CD9: variants seen among roughly 807,000 people sequenced by gnomAD.
The protein encoded by CD9 is CD9 molecule.
CD9 carries 10 observed loss-of-function variants against 31.4 expected under a neutral mutation model. The observed-to-expected ratio is 0.32, with a 90% CI of 0.20 to 0.54. CD9 has a LOEUF of 0.54. Ranked by LOEUF, CD9 falls within the 20% of genes least tolerant of loss-of-function variation. The pLI is 0.94. For missense variants in CD9, 259 were observed against 300.1 expected (o/e 0.86, Z 1.01); for synonymous variants, 113 against 114.1 (o/e 0.99, Z 0.06).
Position 6,214,954 on chromosome 12 carries a change from C to T in CD9, c.67-10472C>T, listed in dbSNP as rs570184367. 4.6e-5 allele frequency among the ~76,000 whole-genome samples: 7 copies of T among 152,306 alleles called. No individual in the cohort carries two copies. In the East Asian group the frequency reaches 7.7e-4, roughly 17 times the overall value. Reference sequence around the variant, plus strand: ...CCATGACTTCCTGGCTCAGTGGGTTCAGCACAGAGTTGTCCAGCCGTTCTC... The same window carrying T: ...CCATGACTTCCTGGCTCAGTGGGTTTAGCACAGAGTTGTCCAGCCGTTCTC... On this transcript the variant is annotated intron_variant, in intron 1 of 7. Transcript: ENST00000009180.
intron 2 of CD9, among the ~76,000 whole-genome samples, chr12:6,229,248 C>T (rs769593643): frequency 1.3e-5 from 2 of 152,184 alleles, no homozygotes; most frequent in Admixed American, 6.5e-5. Flanking sequence ...CGTGAATGCC[C>T]CCCCTTCCTC....
At chr12:6,204,556 C>T (rs2136598787) in intron 1 of CD9, among the ~76,000 whole-genome samples, 1 of 152,286 alleles carries the variant, frequency 6.6e-6, no homozygotes, top group South Asian at 2.1e-4. Flanking sequence ...GGTGGGGTCT[C>T]TCTCAGGGGT....
intron 2 of CD9, among the ~76,000 whole-genome samples, chr12:6,230,183 G>A (rs1293207099): frequency 1.3e-5 from 2 of 152,156 alleles, no homozygotes; most frequent in Admixed American, 1.3e-4. Flanking sequence ...GAACACAGCT[G>A]CCAGGGGATC....
chr12:6,202,495 G>T (rs561538090), intron 1 of CD9, among the ~76,000 whole-genome samples: 59 of 152,360 alleles, frequency 3.9e-4, no homozygotes, highest in African/African-American at 1.3e-3. Context: ...TCAGCTGTCT[G>T]CCTAGACTGC....
intron 1 of CD9, among the ~76,000 whole-genome samples, chr12:6,220,058 C>T (rs758003645): frequency 4.8e-4 from 73 of 152,106 alleles, no homozygotes; most frequent in Non-Finnish European, 2.5e-4. Context: ...GGGAGGCAAA[C>T]CCCAGATAGA....
At chr12:6,228,001 C>T (rs1291532428) in intron 2 of CD9, among the ~76,000 whole-genome samples, 3 of 152,210 alleles carry the variant, frequency 2.0e-5, no homozygotes, top group Admixed American at 2.0e-4. Flanking sequence ...TTGCAGGGCC[C>T]TGCTGGTGGC....
intron 1 of CD9, among the ~76,000 whole-genome samples, chr12:6,219,204 C>G (rs978082899): frequency 6.6e-6 from 1 of 151,650 alleles, no homozygotes; most frequent in African/African-American, 2.4e-5. Flanking sequence ...CGGGGTTTCA[C>G]CATGTTGGCC....
intron 1 of CD9, among the ~76,000 whole-genome samples, chr12:6,208,802 G>A (rs1343313167): frequency 6.6e-6 from 1 of 152,104 alleles, no homozygotes; most frequent in Non-Finnish European, 1.5e-5. Context: ...GACCTCAGGT[G>A]ATCCACCCGC....
In CD9 at chr12:6,235,334, C is replaced by G. The variant is rs200645157; in HGVS notation, c.447+7C>G. On this transcript the variant is annotated splice_region_variant and intron_variant, in intron 5 of 7. Coordinates refer to ENST00000009180, the MANE Select transcript of CD9 (RefSeq NM_001769.4). ...GAAAGCCATCCACTATGCGGTATGT[C>G]GCCTTGGCAAAGACACCCTCCTGCG... 27 of 1,614,102 alleles carry G rather than the reference C, an allele frequency of 1.7e-5. No individual in the cohort carries two copies. Among genetic ancestry groups the G allele is most frequent in the Non-Finnish European group, 2.1e-5 (25 of 1,180,032 alleles).
chr12:6,221,612 C>T (rs1946292545), intron 1 of CD9, among the ~76,000 whole-genome samples: 1 of 152,102 alleles, frequency 6.6e-6, no homozygotes, highest in Non-Finnish European at 1.5e-5. Flanking sequence ...TGACTTGGCA[C>T]CCTCTTTTAA....
chr12:6,200,255 G>A (rs1453060990), upstream of CD9: 14 of 203,066 alleles, frequency 6.9e-5, no homozygotes, highest in Middle Eastern at 1.7e-3. Context: ...GGGCGGGGGG[G>A]GTGCGGCCCG....
intron 1 of CD9, among the ~76,000 whole-genome samples, chr12:6,209,005 G>A (rs1946163515): frequency 6.6e-6 from 1 of 152,048 alleles, no homozygotes; most frequent in Non-Finnish European, 1.5e-5. Context: ...GTCTCGCTCT[G>A]TCACCCAGGC....
At chr12:6,205,522 C>G (rs1217779068) in intron 1 of CD9, among the ~76,000 whole-genome samples, 1 of 152,190 alleles carries the variant, frequency 6.6e-6, no homozygotes, top group East Asian at 1.9e-4. Context: ...CTGCTGGGCT[C>G]ACAAATCAGC....
At position 6,237,750 on chromosome 12, in the gene CD9, T is replaced by C. The variant is rs1379559904; in HGVS notation, c.622-13T>C. ...AAACCACCCTGATCCTCATGTTTCT[T>C]CCTATCTCCTAGATATTTGGCATGA... is the stretch of plus-strand genomic sequence containing the variant. On this transcript the variant is annotated splice_polypyrimidine_tract_variant and intron_variant, in intron 7 of 7. Coordinates refer to ENST00000009180, the MANE Select transcript of CD9 (RefSeq NM_001769.4). 3.1e-6 allele frequency: 5 copies of C among 1,607,108 alleles called. No individual in the cohort carries two copies. In the East Asian group the frequency reaches 1.1e-4, roughly 36 times the overall value.
intron 1 of CD9, among the ~76,000 whole-genome samples, chr12:6,202,828 C>G (rs1946091719): frequency 6.6e-6 from 1 of 152,210 alleles, no homozygotes; most frequent in Non-Finnish European, 1.5e-5. Context: ...AGTGAGGCAG[C>G]AGAGGAAGAG....
rs185342939 is a variant in CD9, at chr12:6,238,039, T to G, written c.*211T>G. 5.6e-4 allele frequency: 255 copies of G among 455,604 alleles called. 2 individuals carry two copies. The highest frequency in any genetic ancestry group is 4.7e-3 in the African/African-American group (233 of 50,048). The allele number at this position is 455,604 out of a possible 1,614,324, so 28.2% of individuals were successfully genotyped here. A position where few individuals can be genotyped will look rare whatever the true frequency, so the allele number is the denominator to read the frequency against. ...TGACATTTGTAGTTGAGCGGGGGGT[T>G]TGGTTTGCTTTGGTTTATATTTTTT... On this transcript the variant is annotated 3_prime_UTR_variant, in exon 8 of 8. Transcript: ENST00000009180.
In CD9 at chr12:6,233,566, G is replaced by C. The variant is rs182354995; in HGVS notation, c.348+80G>C. Reference sequence around the variant, plus strand: ...TGAAGCAGGGGGCAAGTCCTGGCTGGGCACTTTGTTCAGCTTTCAGCTGTT... The same window carrying C: ...TGAAGCAGGGGGCAAGTCCTGGCTGCGCACTTTGTTCAGCTTTCAGCTGTT... On this transcript the variant is annotated intron_variant, in intron 4 of 7. Coordinates refer to ENST00000009180, the MANE Select transcript of CD9 (RefSeq NM_001769.4). The C allele has an allele frequency of 4.5e-5, 50 of 1,100,204 alleles. 1 individual carries two copies. In the African/African-American group the frequency reaches 7.1e-4, roughly 16 times the overall value. 68.2% of individuals were successfully genotyped at this position (1,100,204 alleles called of 1,614,324 possible). A position where few individuals can be genotyped will look rare whatever the true frequency, so the allele number is the denominator to read the frequency against.
At chr12:6,228,558 C>CAAA (rs5796224) in intron 2 of CD9, among the ~76,000 whole-genome samples, 46 of 68,310 alleles carry the variant, frequency 6.7e-4, no homozygotes, top group Non-Finnish European at 1.1e-3. Flanking sequence ...GACTCCATCT[C>CAAA]AAAAAAAAAA....
intron 7 of CD9, 59 bp from the exon 8 acceptor site, chr12:6,237,704 C>T (rs974967942): frequency 1.5e-6 from 2 of 1,306,762 alleles, no homozygotes; most frequent in African/African-American, 2.9e-5. Flanking sequence ...CTCTCCCTTT[C>T]CCTCAGCCTT....
Sources: allele counts gnomAD v4.1 joint callset (sites outside exome capture counted in the v4.1 genomes callset), GRCh38; gene constraint gnomAD v4.1.1; transcripts MANE v1.5; gene names NCBI Gene and HGNC (gene_info 2026-07-23, HGNC 2026-07-21).